STIMATE: variants seen among roughly 807,000 people sequenced by gnomAD.
STIMATE encodes the protein STIM activating enhancer.
Under a neutral mutation model 36.7 loss-of-function variants are expected in STIMATE, and 15 were observed. The observed-to-expected ratio is 0.41, with a 90% CI of 0.27 to 0.63. The LOEUF is 0.63. STIMATE is among the 20% of genes least tolerant of loss of function. The pLI is 0.32. For synonymous variants in STIMATE, 163 were observed against 162.3 expected, an observed-to-expected ratio of 1.00 and a Z score of -0.03; for missense variants, 305 against 397.3, an observed-to-expected ratio of 0.77 and a Z score of 1.98.
At chr3:52,896,319 T>G (rs1382298685) in intron 1 of STIMATE, among the ~76,000 whole-genome samples, 2 of 152,222 alleles carry the variant, frequency 1.3e-5, no homozygotes, top group African/African-American at 4.8e-5. Flanking sequence ...CAAGTCATTT[T>G]TGGAATTAAT....
intron 5 of STIMATE, 24 bp from the exon 6 acceptor site, chr3:52,843,822 G>A: frequency 2.5e-6 from 4 of 1,605,558 alleles, no homozygotes; most frequent in Non-Finnish European, 1.7e-6. Flanking sequence ...CAGACTCAGT[G>A]AGGTAGGGAG....
Position 52,878,618 on chromosome 3 carries a change from A to G in STIMATE, c.160+18673T>C, listed in dbSNP as rs1701548141. On this transcript the variant is annotated intron_variant, in intron 1 of 7. Coordinates refer to ENST00000355083, the MANE Select transcript of STIMATE (RefSeq NM_198563.5). ...GTTCCCTGGTCCCTTTGGATGACAA[A>G]GACTTTTCTCCCTGATTGTCTCGTG... Among the ~76,000 whole-genome samples, 2 of 151,950 alleles carry G rather than the reference A, an allele frequency of 1.3e-5. 1 individual carries two copies. Among genetic ancestry groups the G allele is most frequent in the South Asian group, 4.1e-4 (2 of 4,824 alleles).
At chr3:52,849,713 C>T (rs1578804233) in intron 4 of STIMATE, 79 bp downstream of exon 4, 1 of 1,529,108 alleles carries the variant, frequency 6.5e-7, no homozygotes, top group East Asian at 2.4e-5. Flanking sequence ...GATCTGTTTG[C>T]CTGGTGGGCC....
At position 52,838,241 on chromosome 3, in the gene STIMATE, AT is replaced by A. The variant is rs1291860424; in HGVS notation, c.*2252del. 1.3e-5 allele frequency: 2 copies of A among 152,198 alleles called. No individual in the cohort carries two copies. Among genetic ancestry groups the A allele is most frequent in the African/African-American group, 4.8e-5 (2 of 41,444 alleles). 9.4% of individuals were successfully genotyped at this position (152,198 alleles called of 1,614,324 possible). A position where few individuals can be genotyped will look rare whatever the true frequency, so the allele number is the denominator to read the frequency against. On this transcript the variant is annotated 3_prime_UTR_variant, in exon 8 of 8. Coordinates refer to ENST00000355083, the MANE Select transcript of STIMATE (RefSeq NM_198563.5). Reference sequence around the variant, plus strand: ...GTGGGCAAAGCCTTCAGATGAGACCATCTGAGATCTATATAACCCAGGGTTT... The same window carrying A: ...GTGGGCAAAGCCTTCAGATGAGACCACTGAGATCTATATAACCCAGGGTTT...
In STIMATE at chr3:52,855,622, C is replaced by T. The variant is rs368356664; in HGVS notation, c.161-178G>A. 2.0e-4 allele frequency among the ~76,000 whole-genome samples: 31 copies of T among 152,250 alleles called. No individual in the cohort carries two copies. The East Asian group carries it at 5.2e-3, about 26-fold the overall frequency. On this transcript the variant is annotated intron_variant, in intron 1 of 7. Transcript: ENST00000355083. ...GAAGGTCACTGAGGTCCTGTGTTGCCGATGATTGGTATGGACTCTTTAGAA... is the reference window on the plus strand; with the variant it reads ...GAAGGTCACTGAGGTCCTGTGTTGCTGATGATTGGTATGGACTCTTTAGAA...
intron 1 of STIMATE, among the ~76,000 whole-genome samples, chr3:52,863,298 C>A (rs1360449062): frequency 6.6e-6 from 1 of 151,832 alleles, no homozygotes; most frequent in African/African-American, 2.4e-5. Context: ...TGGCGGGAGG[C>A]AAAAGGCACT....
chr3:52,844,683 T>A, intron 5 of STIMATE, 146 bp downstream of exon 5: 1 of 749,550 alleles, frequency 1.3e-6, no homozygotes. Flanking sequence ...CTCTTTGGAG[T>A]AGTTGCCACA....
intron 1 of STIMATE, among the ~76,000 whole-genome samples, chr3:52,862,097 T>G (rs930296846): frequency 7.2e-5 from 11 of 152,180 alleles, no homozygotes; most frequent in African/African-American, 2.7e-4. Flanking sequence ...AGTTGTCTCC[T>G]GCCCACTCTG....
At position 52,882,394 on chromosome 3, in the gene STIMATE, A is replaced by G. The variant is rs147124189; in HGVS notation, c.160+14897T>C. ...AGGAAAGGGACTATACAAGGGTGTG[A>G]ACATCATGAGTGGGGATGGCTGGGG... On this transcript the variant is annotated intron_variant, in intron 1 of 7. Coordinates refer to ENST00000355083, the MANE Select transcript of STIMATE (RefSeq NM_198563.5). Among the ~76,000 whole-genome samples the G allele has an allele frequency of 2.3e-3, 355 of 152,328 alleles. 1 individual carries two copies. The highest frequency in any genetic ancestry group is 7.8e-3 in the African/African-American group (325 of 41,576).
intron 4 of STIMATE, chr3:52,847,700 A>C: frequency 2.0e-6 from 1 of 507,870 alleles, no homozygotes; most frequent in Non-Finnish European, 3.4e-6. Flanking sequence ...CTACATCCAA[A>C]TCCCTGGAAC....
Position 52,885,047 on chromosome 3 carries a change from C to T in STIMATE, c.160+12244G>A, listed in dbSNP as rs192365158. ...TTTTTACCAGCAATGCATAGGAGTTCCAGAGTTCATATTCTCTTCTAATCT... is the reference window on the plus strand; with the variant it reads ...TTTTTACCAGCAATGCATAGGAGTTTCAGAGTTCATATTCTCTTCTAATCT... On this transcript the variant is annotated intron_variant, in intron 1 of 7. Coordinates refer to ENST00000355083, the MANE Select transcript of STIMATE (RefSeq NM_198563.5). 9.7e-4 allele frequency among the ~76,000 whole-genome samples: 148 copies of T among 152,254 alleles called. 1 individual carries two copies. Among genetic ancestry groups the T allele is most frequent in the African/African-American group, 3.5e-3 (145 of 41,538 alleles).
intron 1 of STIMATE, 46 bp downstream of exon 1, chr3:52,897,245 G>C (rs1701880578): frequency 6.6e-7 from 1 of 1,523,220 alleles, no homozygotes; most frequent in African/African-American, 1.4e-5. Flanking sequence ...GCCGGGCCGC[G>C]GCTGCCGCGC....
chr3:52,848,850 G>GT (rs1235440765), intron 4 of STIMATE, among the ~76,000 whole-genome samples: 1 of 152,246 alleles, frequency 6.6e-6, no homozygotes. Context: ...TCTTAAGTCA[G>GT]TGACTCATCA....
In STIMATE at chr3:52,839,558, C is replaced by G. The variant is rs1700760620; in HGVS notation, c.*936G>C. 1 of 152,142 alleles carries G rather than the reference C, an allele frequency of 6.6e-6. No individual in the cohort carries two copies. Among genetic ancestry groups the G allele is most frequent in the African/African-American group, 2.4e-5 (1 of 41,396 alleles). 9.4% of individuals were successfully genotyped at this position (152,142 alleles called of 1,614,324 possible). ...AGCAGGAATGCTAGAGCTCATGGGC[C>G]CTGGGCAGAGCCTTTCCTGTTCCAC... is the stretch of plus-strand genomic sequence containing the variant. On this transcript the variant is annotated 3_prime_UTR_variant, in exon 8 of 8. Coordinates refer to ENST00000355083, the MANE Select transcript of STIMATE (RefSeq NM_198563.5).
At chr3:52,849,746 C>G (rs1384818401) in intron 4 of STIMATE, 46 bp downstream of exon 4, 11 of 1,586,776 alleles carry the variant, frequency 6.9e-6, no homozygotes, top group Non-Finnish European at 9.4e-6. Context: ...GAGCAGAGAC[C>G]TCCAGCAGTT....
intron 1 of STIMATE, among the ~76,000 whole-genome samples, chr3:52,883,617 CTTTTG>C (rs140134782): frequency 0.014 from 2,083 of 152,224 alleles, 12 homozygotes; most frequent in Non-Finnish European, 0.023. Flanking sequence ...AGGCTCTGTT[CTTTTG>C]TTTTGTTTTT....
chr3:52,844,933 G>A lies in STIMATE; in HGVS notation c.436C>T (p.Leu146=). The A allele has an allele frequency of 6.2e-7, 1 of 1,613,806 alleles. No individual in the cohort carries two copies. Among genetic ancestry groups the A allele is most frequent in the Non-Finnish European group, 8.5e-7 (1 of 1,179,856 alleles). The part of the protein sequence containing the change: ...SLRFGEYGDP[L]QCGAWVGQCA... ...TGCCCGACCCAGGCTCCACACTGCAGAGGGTCTCCTGCAGGGACAGGCGGG... is the reference window on the plus strand; with the variant it reads ...TGCCCGACCCAGGCTCCACACTGCAAAGGGTCTCCTGCAGGGACAGGCGGG... Residue 146 remains leucine (L), a synonymous_variant, in exon 5 of 8, where the codon CTG becomes TTG. Coordinates refer to ENST00000355083, the MANE Select transcript of STIMATE (RefSeq NM_198563.5).
chr3:52,853,594 C>G (rs9877711), intron 2 of STIMATE, among the ~76,000 whole-genome samples: 140,295 of 152,156 alleles, frequency 0.92, 65,752 homozygotes, highest in East Asian at 1. Context: ...AGACTCACTG[C>G]AAAGGAGGAG....
At chr3:52,877,432 A>G (rs1163744423) in intron 1 of STIMATE, among the ~76,000 whole-genome samples, 2 of 152,200 alleles carry the variant, frequency 1.3e-5, no homozygotes, top group South Asian at 2.1e-4. Flanking sequence ...ACCAATGAGC[A>G]TAAGTAAATG....
Sources: allele counts gnomAD v4.1 joint callset (sites outside exome capture counted in the v4.1 genomes callset), GRCh38; gene constraint gnomAD v4.1.1; transcripts MANE v1.5; gene names NCBI Gene and HGNC (gene_info 2026-07-23, HGNC 2026-07-21).